The following NRDC variants were observed in gnomAD, a reference collection of about 807,000 sequenced individuals.
NRDC encodes the protein nardilysin convertase.
Under a neutral mutation model 147.1 loss-of-function variants are expected in NRDC, and 54 were observed. The observed-to-expected ratio is 0.37, with a 90% CI of 0.29 to 0.46. The LOEUF is 0.46. NRDC is among the 20% of genes least tolerant of loss of function. The pLI is 1.00. For missense variants in NRDC, 1,082 were observed against 1,370.6 expected, an observed-to-expected ratio of 0.79 and a Z score of 3.33; for synonymous variants, 440 against 482.1, an observed-to-expected ratio of 0.91 and a Z score of 1.14.
chr1:51,802,482 T>G (rs1199590446), intron 20 of NRDC, among the ~76,000 whole-genome samples: 1 of 152,222 alleles, frequency 6.6e-6, no homozygotes, highest in Non-Finnish European at 1.5e-5. Context: ...CAGGTAATTC[T>G]AAAACATATT....
chr1:51,837,654 C>T (rs1681055788), intron 2 of NRDC: 3 of 1,459,732 alleles, frequency 2.1e-6, no homozygotes, highest in Non-Finnish European at 2.8e-6. Flanking sequence ...GAATTTTCTA[C>T]CTAAAAAATT....
rs370166765 is a variant in NRDC, at chr1:51,814,576, G to A, written c.1594C>T (p.Leu532=). ...AYTVFQYLKM[L]QKLGPEKRIF... ...CTTTTTTCTGGGCCTAGCTTCTGCA[G>A]CATTTTTAAATACTGAAAGACAGTG... The change falls in exon 13 of 31, where the codon CTG becomes TTG. Residue 532 remains leucine (L), a synonymous_variant. Coordinates refer to ENST00000352171, the MANE Select transcript of NRDC (RefSeq NM_001101662.2). 11 of 1,613,430 alleles carry A rather than the reference G, an allele frequency of 6.8e-6. No individual in the cohort carries two copies. In the Admixed American group the frequency reaches 1.5e-4, roughly 22 times the overall value.
At chr1:51,838,882 C>CAA (rs1207216315) in intron 2 of NRDC, among the ~76,000 whole-genome samples, 1 of 151,744 alleles carries the variant, frequency 6.6e-6, no homozygotes, top group Non-Finnish European at 1.5e-5. Flanking sequence ...ACCTTTTTTT[C>CAA]CCCCAGTGTT....
chr1:51,794,653 A>G lies in NRDC; in HGVS notation c.2637-43T>C, dbSNP rs759861727. 40 of 1,608,198 alleles carry G rather than the reference A, an allele frequency of 2.5e-5. No homozygotes were observed. In the South Asian group the frequency reaches 3.3e-4, roughly 13 times the overall value. On this transcript the variant is annotated intron_variant, in intron 23 of 30. Transcript: ENST00000352171. ...TGGGTCACTGAGGCACCCAAAAACT[A>G]TAAGAAGCTAGGCCTTCTAACTTTT...
intron 7 of NRDC, among the ~76,000 whole-genome samples, chr1:51,821,895 T>C (rs778502576): frequency 6.6e-6 from 1 of 152,186 alleles, no homozygotes; most frequent in Non-Finnish European, 1.5e-5. Flanking sequence ...TTCTAAAACT[T>C]ACATCCTCTT....
At chr1:51,810,921 T>C (rs1326936851) in intron 15 of NRDC, among the ~76,000 whole-genome samples, 1 of 152,190 alleles carries the variant, frequency 6.6e-6, no homozygotes, top group African/African-American at 2.4e-5. Flanking sequence ...CCAAGGACTA[T>C]GCTCCTAACA....
At chr1:51,835,623 C>T (rs2050846) in intron 3 of NRDC, among the ~76,000 whole-genome samples, 43,269 of 151,328 alleles carry the variant, frequency 0.29, 7,696 homozygotes, top group East Asian at 0.58. Context: ...TATGCCACCA[C>T]GCCCAACTAA....
At chr1:51,821,380 T>C in intron 8 of NRDC, 118 bp downstream of exon 8, 1 of 581,618 alleles carries the variant, frequency 1.7e-6, no homozygotes, top group Non-Finnish European at 3.0e-6. Context: ...TAAGTTTGTT[T>C]AGGTCTTAAT....
Position 51,805,568 on chromosome 1 carries a change from GA to G in NRDC, c.2111-8del. On this transcript the variant is annotated splice_region_variant and splice_polypyrimidine_tract_variant and intron_variant, in intron 18 of 30. Coordinates refer to ENST00000352171, the MANE Select transcript of NRDC (RefSeq NM_001101662.2). Reference sequence around the variant, plus strand: ...AGATGGAAACGTATATATGCTAAAAGAAAAAAGACCATAGATAAAAAAGGTT... The same window carrying G: ...AGATGGAAACGTATATATGCTAAAAGAAAAAGACCATAGATAAAAAAGGTT... The G allele has an allele frequency of 6.4e-7, 1 of 1,559,352 alleles. No individual in the cohort carries two copies. Among genetic ancestry groups the G allele is most frequent in the Admixed American group, 2.1e-5 (1 of 48,320 alleles).
chr1:51,798,325 G>C lies in NRDC; in HGVS notation c.2528C>G (p.Ser843Cys), dbSNP rs368119199. 14 of 1,613,904 alleles carry C rather than the reference G, an allele frequency of 8.7e-6. No homozygotes were observed. In the African/African-American group the frequency reaches 1.6e-4, roughly 18 times the overall value. The change falls in exon 22 of 31, where the codon TCT (serine) becomes TGT (cysteine). Residue 843 changes from serine (S) to cysteine (C), a missense_variant. Ser to Cys is a moderately radical substitution (Grantham distance 112). Transcript: ENST00000352171. Reference sequence around the variant, plus strand: ...GAATTCTTTGACGAAGCTCAGCAGAGACTCAAGGGAAAGGCCGTCCATCAA... The same window carrying C: ...GAATTCTTTGACGAAGCTCAGCAGACACTCAAGGGAAAGGCCGTCCATCAA... ...QALMDGLSLE[S>C]LLSFVKEFKS...
chr1:51,812,657 G>C (rs1235720918), intron 14 of NRDC, among the ~76,000 whole-genome samples: 2 of 152,116 alleles, frequency 1.3e-5, no homozygotes, highest in African/African-American at 2.4e-5. Flanking sequence ...CTCTTCATGA[G>C]AGCAATTACC....
At chr1:51,866,488 G>T (rs575771344) in intron 1 of NRDC, among the ~76,000 whole-genome samples, 2 of 151,992 alleles carry the variant, frequency 1.3e-5, no homozygotes, top group Non-Finnish European at 2.9e-5. Flanking sequence ...TGAAATGCTA[G>T]AAACAACTTA....
chr1:51,820,572 T>C (rs1680168272), intron 8 of NRDC, among the ~76,000 whole-genome samples: 1 of 152,142 alleles, frequency 6.6e-6, no homozygotes, highest in African/African-American at 2.4e-5. Flanking sequence ...TCAAGACTTC[T>C]AATCAGAAAA....
At chr1:51,858,880 C>A (rs561789967) in intron 1 of NRDC, among the ~76,000 whole-genome samples, 1 of 152,274 alleles carries the variant, frequency 6.6e-6, no homozygotes, top group Non-Finnish European at 1.5e-5. Flanking sequence ...AGGGTGTCTG[C>A]CTGTGTATAT....
intron 1 of NRDC, among the ~76,000 whole-genome samples, chr1:51,863,031 A>AAAC (rs1261639570): frequency 6.7e-6 from 1 of 150,374 alleles, no homozygotes; most frequent in Non-Finnish European, 1.5e-5. Flanking sequence ...AAAAAAAAAA[A>AAAC]AAAAAAACAA....
intron 1 of NRDC, among the ~76,000 whole-genome samples, chr1:51,873,217 C>T (rs1039019997): frequency 2.0e-5 from 3 of 152,008 alleles, no homozygotes; most frequent in Non-Finnish European, 2.9e-5. Flanking sequence ...TCTTCTGATA[C>T]CTCAGATTTG....
intron 3 of NRDC, among the ~76,000 whole-genome samples, chr1:51,835,058 T>TTTTGTTTG (rs376347305): frequency 6.6e-6 from 1 of 152,092 alleles, no homozygotes. Context: ...CATAGAGTTT[T>TTTTGTTTG]TTTGTTTGTT....
intron 1 of NRDC, among the ~76,000 whole-genome samples, chr1:51,858,573 A>AGT (rs1682376402): frequency 6.6e-6 from 1 of 152,282 alleles, no homozygotes; most frequent in Non-Finnish European, 1.5e-5. Context: ...CTGCCTCAAG[A>AGT]GTGAAAATAA....
At chr1:51,837,375 T>C (rs1016203658) in intron 2 of NRDC, 3 of 1,068,312 alleles carry the variant, frequency 2.8e-6, no homozygotes, top group African/African-American at 3.2e-5. Context: ...CTTGATACTA[T>C]AAACCCCATT....
Sources: allele counts gnomAD v4.1 joint callset (sites outside exome capture counted in the v4.1 genomes callset), GRCh38; gene constraint gnomAD v4.1.1; transcripts MANE v1.5; gene names NCBI Gene and HGNC (gene_info 2026-07-23, HGNC 2026-07-21).